The following PAX5 variants were observed in gnomAD, a reference collection of about 807,000 sequenced individuals.
PAX5 encodes the protein paired box 5.
A neutral mutation model predicts 43.7 loss-of-function variants in PAX5; 9 were observed. The observed-to-expected ratio is 0.21, with a 90% CI of 0.12 to 0.36. The LOEUF (loss-of-function observed/expected upper bound fraction) is 0.36, where lower values mean the gene tolerates loss of function less well. Ranked by LOEUF, PAX5 falls within the 10% of genes least tolerant of loss-of-function variation. PAX5 has a pLI of 1.00. For synonymous variants in PAX5, 228 were observed against 214.3 expected, an observed-to-expected ratio of 1.06 and a Z score of -0.56; for missense variants, 383 against 532.7, an observed-to-expected ratio of 0.72 and a Z score of 2.77.
intron 6 of PAX5, among the ~76,000 whole-genome samples, chr9:36,937,654 G>T (rs1831675403): frequency 6.6e-6 from 1 of 152,070 alleles, no homozygotes; most frequent in Non-Finnish European, 1.5e-5. Context: ...TTCCCCGCCG[G>T]GCGCCCTCTC....
chr9:37,002,688 C>G lies in PAX5; in HGVS notation c.564G>C (p.Thr188=), dbSNP rs1266348355. The part of the protein sequence containing the change: ...SYSISGILGI[T]SPSADTNKRK... ...GCTTGTTGGTGTCGGCGCTGGGGGA[C>G]GTGATGCCCAGGATGCCGCTGATGG... The change falls in exon 5 of 10, where the codon ACG becomes ACC. Residue 188 remains threonine (T), a synonymous_variant. Coordinates refer to ENST00000358127, the MANE Select transcript of PAX5 (RefSeq NM_016734.3). 6.2e-7 allele frequency: 1 copy of G among 1,611,492 alleles called. No individual in the cohort carries two copies. The highest frequency in any genetic ancestry group is 1.7e-5 in the Admixed American group (1 of 59,746).
intron 5 of PAX5, among the ~76,000 whole-genome samples, chr9:36,968,509 T>A (rs1264692315): frequency 6.6e-6 from 1 of 152,102 alleles, no homozygotes; most frequent in Non-Finnish European, 1.5e-5. Flanking sequence ...AGGAAGGGCC[T>A]TCGGAGGCAG....
At chr9:36,945,845 A>G (rs1292617564) in intron 6 of PAX5, among the ~76,000 whole-genome samples, 3 of 152,208 alleles carry the variant, frequency 2.0e-5, no homozygotes, top group East Asian at 1.9e-4. Context: ...AAATTAAAAT[A>G]AAGTCTCCGC....
chr9:36,847,593 A>C (rs1294890071), intron 8 of PAX5, among the ~76,000 whole-genome samples: 1 of 152,066 alleles, frequency 6.6e-6, no homozygotes, highest in Admixed American at 6.5e-5. Flanking sequence ...CAGAAGAGGG[A>C]GTGGTTGGGG....
Position 36,943,529 on chromosome 9 carries a change from T to TTCTC in PAX5, c.781-20046_781-20045insGAGA, listed in dbSNP as rs35815065. Among the ~76,000 whole-genome samples the TTCTC allele has an allele frequency of 4.6e-3, 673 of 146,012 alleles. 5 individuals are homozygous for TTCTC. Among genetic ancestry groups the TTCTC allele is most frequent in the Non-Finnish European group, 6.8e-3 (454 of 66,456 alleles). ...TGAGTATTTGTGGATTAGTTCAACA[T>TTCTC]ACACACACACACACACACACACACA... On this transcript the variant is annotated intron_variant, in intron 6 of 9. Transcript: ENST00000358127.
At chr9:36,903,340 G>C (rs1181547405) in intron 7 of PAX5, among the ~76,000 whole-genome samples, 1 of 152,248 alleles carries the variant, frequency 6.6e-6, no homozygotes, top group Non-Finnish European at 1.5e-5. Context: ...GACCAACCTG[G>C]GCAACAGAGT....
intron 1 of PAX5, among the ~76,000 whole-genome samples, chr9:37,027,458 C>T (rs1448860726): frequency 6.6e-6 from 1 of 152,252 alleles, no homozygotes; most frequent in African/African-American, 2.4e-5. Context: ...ATTCCACTGT[C>T]TTTCCGCTGC....
chr9:36,958,164 A>T (rs927080099), intron 6 of PAX5, among the ~76,000 whole-genome samples: 1 of 152,184 alleles, frequency 6.6e-6, no homozygotes, highest in Non-Finnish European at 1.5e-5. Flanking sequence ...TGTGGGCGTC[A>T]TACTCATCCA....
At chr9:36,931,816 A>T (rs893967364) in intron 6 of PAX5, among the ~76,000 whole-genome samples, 12 of 149,416 alleles carry the variant, frequency 8.0e-5, no homozygotes, top group African/African-American at 3.0e-4. Context: ...GAGCCACTGC[A>T]TTCCAGCCTG....
intron 7 of PAX5, among the ~76,000 whole-genome samples, chr9:36,894,208 A>C (rs1041894280): frequency 6.6e-6 from 1 of 152,034 alleles, no homozygotes; most frequent in Admixed American, 6.6e-5. Context: ...CTTGGCGGCC[A>C]CCCCATGTTC....
chr9:36,953,550 G>A (rs1833187323), intron 6 of PAX5, among the ~76,000 whole-genome samples: 1 of 151,990 alleles, frequency 6.6e-6, no homozygotes. Flanking sequence ...TTTCAGTGTG[G>A]GAAAGTTTCT....
At chr9:36,956,421 T>G (rs16933794) in intron 6 of PAX5, among the ~76,000 whole-genome samples, 6,300 of 152,284 alleles carry the variant, frequency 0.041, 123 homozygotes, top group Middle Eastern at 0.048. Context: ...CCATTTGTTT[T>G]ATCACTCACA....
chr9:36,886,565 C>T (rs1336799479), intron 7 of PAX5, among the ~76,000 whole-genome samples: 1 of 152,228 alleles, frequency 6.6e-6, no homozygotes, highest in Admixed American at 6.5e-5. Context: ...CACAAGGCAG[C>T]TAAGGAGATG....
intron 5 of PAX5, among the ~76,000 whole-genome samples, chr9:36,995,852 C>A (rs1369964922): frequency 2.0e-5 from 3 of 152,156 alleles, no homozygotes; most frequent in African/African-American, 7.2e-5. Context: ...CCCTCTGCCC[C>A]CACCCTGGAG....
chr9:36,901,141 AGATTCCCCTGGAGAGTC>A (rs1177579919), intron 7 of PAX5, among the ~76,000 whole-genome samples: 2 of 151,960 alleles, frequency 1.3e-5, no homozygotes, highest in Non-Finnish European at 2.9e-5. Flanking sequence ...GACCCCACAG[AGATTCCCCTGGAGAGTC>A]GACTCTCCTC....
At chr9:36,981,500 A>C (rs1835946988) in intron 5 of PAX5, among the ~76,000 whole-genome samples, 3 of 149,350 alleles carry the variant, frequency 2.0e-5, no homozygotes, top group East Asian at 2.0e-4. Flanking sequence ...GTGACCTCCT[A>C]CTGGGAAATA....
intron 6 of PAX5, among the ~76,000 whole-genome samples, chr9:36,946,334 T>A (rs1193918848): frequency 6.6e-6 from 1 of 152,118 alleles, no homozygotes; most frequent in Admixed American, 6.5e-5. Flanking sequence ...GATGGACAGC[T>A]CGAATTTGTA....
intron 7 of PAX5, among the ~76,000 whole-genome samples, chr9:36,919,917 G>T (rs1207890227): frequency 1.3e-5 from 2 of 150,986 alleles, no homozygotes; most frequent in Non-Finnish European, 2.9e-5. Flanking sequence ...ATTTACAGGA[G>T]TTGGGAAGAA....
chr9:36,959,713 A>T (rs1833789163), intron 6 of PAX5, among the ~76,000 whole-genome samples: 1 of 152,220 alleles, frequency 6.6e-6, no homozygotes, highest in Non-Finnish European at 1.5e-5. Context: ...GCATGATCAA[A>T]TTGAACCCCC....
Sources: allele counts gnomAD v4.1 joint callset (sites outside exome capture counted in the v4.1 genomes callset), GRCh38; gene constraint gnomAD v4.1.1; transcripts MANE v1.5; gene names NCBI Gene and HGNC (gene_info 2026-07-23, HGNC 2026-07-21).